ASTN2: variants seen among roughly 807,000 people sequenced by gnomAD.
ASTN2 encodes astrotactin-2.
Under a neutral mutation model 139.8 loss-of-function variants are expected in ASTN2, and 54 were observed. That is an observed-to-expected ratio of 0.39 (90% CI 0.31 to 0.48). The LOEUF is 0.48. ASTN2 is among the 20% of genes least tolerant of loss of function. The pLI is 0.95. For synonymous variants in ASTN2, 756 were observed against 719.5 expected, an observed-to-expected ratio of 1.05 and a Z score of -0.81; for missense variants, 1,565 against 1,725.1, an observed-to-expected ratio of 0.91 and a Z score of 1.64.
intron 3 of ASTN2, among the ~76,000 whole-genome samples, chr9:117,195,662 C>G (rs958527620): frequency 2.6e-4 from 39 of 152,102 alleles, no homozygotes; most frequent in African/African-American, 8.2e-4. Context: ...CAAGATAAGA[C>G]ATTGAATAAG....
chr9:117,135,776 G>A (rs559587674), intron 4 of ASTN2, among the ~76,000 whole-genome samples: 85 of 152,284 alleles, frequency 5.6e-4, no homozygotes, highest in Non-Finnish European at 1.1e-3. Context: ...GGATTTTGAA[G>A]ATAAACAGCA....
intron 1 of ASTN2, among the ~76,000 whole-genome samples, chr9:117,363,885 A>G (rs1829760654): frequency 6.6e-6 from 1 of 152,234 alleles, no homozygotes; most frequent in East Asian, 1.9e-4. Flanking sequence ...TTGACCTACT[A>G]GGATTGTGTA....
intron 3 of ASTN2, among the ~76,000 whole-genome samples, chr9:117,158,021 G>A (rs1830467955): frequency 6.6e-6 from 1 of 152,054 alleles, no homozygotes; most frequent in African/African-American, 2.4e-5. Context: ...CACAGTGCCA[G>A]TAACTGTGCT....
chr9:116,974,057 G>A (rs1034517178), intron 10 of ASTN2, among the ~76,000 whole-genome samples: 2 of 152,170 alleles, frequency 1.3e-5, no homozygotes, highest in Non-Finnish European at 2.9e-5. Context: ...TTGAAAAACA[G>A]TCACTGGTAG....
chr9:117,219,895 T>C (rs1321675786), intron 2 of ASTN2, among the ~76,000 whole-genome samples: 1 of 151,968 alleles, frequency 6.6e-6, no homozygotes, highest in Non-Finnish European at 1.5e-5. Context: ...AAGGGCAGAG[T>C]GCTCTGATGG....
At chr9:116,935,908 A>G (rs1292302295) in intron 10 of ASTN2, among the ~76,000 whole-genome samples, 1 of 151,920 alleles carries the variant, frequency 6.6e-6, no homozygotes, top group African/African-American at 2.4e-5. Flanking sequence ...AGTAAGTACT[A>G]TTACTATTCC....
At chr9:116,933,979 CTT>C (rs148724828) in intron 10 of ASTN2, among the ~76,000 whole-genome samples, 46 of 86,894 alleles carry the variant, frequency 5.3e-4, no homozygotes, top group East Asian at 2.4e-3. Context: ...AGTGTTAGTC[CTT>C]TTTTTTTTTT....
At chr9:117,355,393 T>A (rs555148132) in intron 1 of ASTN2, among the ~76,000 whole-genome samples, 3 of 152,306 alleles carry the variant, frequency 2.0e-5, no homozygotes, top group African/African-American at 4.8e-5. Flanking sequence ...ACCTAGTATT[T>A]TCAAGCATGC....
At chr9:116,648,831 C>T (rs1857743881) in intron 17 of ASTN2, among the ~76,000 whole-genome samples, 2 of 152,012 alleles carry the variant, frequency 1.3e-5, no homozygotes, top group African/African-American at 4.8e-5. Flanking sequence ...GTCAGAAGTT[C>T]GAGACCAGCC....
At chr9:116,815,030 C>T (rs1831271673) in intron 12 of ASTN2, among the ~76,000 whole-genome samples, 1 of 152,130 alleles carries the variant, frequency 6.6e-6, no homozygotes, top group African/African-American at 2.4e-5. Flanking sequence ...CGTTCTCCAA[C>T]CAGAAATGAA....
chr9:117,301,853 C>A (rs1834883393), intron 1 of ASTN2, among the ~76,000 whole-genome samples: 1 of 152,278 alleles, frequency 6.6e-6, no homozygotes, highest in Non-Finnish European at 1.5e-5. Context: ...ACTGGGTTGA[C>A]CTTTAACAAA....
intron 10 of ASTN2, among the ~76,000 whole-genome samples, chr9:116,877,655 C>T (rs1833338358): frequency 6.6e-6 from 1 of 152,072 alleles, no homozygotes; most frequent in African/African-American, 2.4e-5. Context: ...TGAAACCAAA[C>T]CAGCCTGTGG....
chr9:116,454,888 G>A (rs993603424), intron 20 of ASTN2, among the ~76,000 whole-genome samples: 7 of 152,142 alleles, frequency 4.6e-5, no homozygotes, highest in South Asian at 2.1e-4. Flanking sequence ...GGGGCCTGTC[G>A]TGGTGTGGGG....
intron 13 of ASTN2, among the ~76,000 whole-genome samples, chr9:116,794,136 T>A (rs1830628312): frequency 6.6e-6 from 1 of 150,496 alleles, no homozygotes; most frequent in Non-Finnish European, 1.5e-5. Flanking sequence ...TCACTCTTGT[T>A]GCCCAAGCTG....
chr9:116,953,928 A>T (rs1835636162), intron 10 of ASTN2, among the ~76,000 whole-genome samples: 1 of 152,214 alleles, frequency 6.6e-6, no homozygotes, highest in Non-Finnish European at 1.5e-5. Flanking sequence ...CAATGGGCTC[A>T]GAGACAGAGA....
chr9:116,536,299 A>C (rs71505576), intron 19 of ASTN2, among the ~76,000 whole-genome samples: 15 of 140,004 alleles, frequency 1.1e-4, no homozygotes, highest in Admixed American at 3.6e-4. Context: ...CGATGGGTTC[A>C]AACTTCCTCC....
intron 1 of ASTN2, among the ~76,000 whole-genome samples, chr9:117,364,663 A>C (rs1400944647): frequency 6.6e-6 from 1 of 152,152 alleles, no homozygotes; most frequent in Non-Finnish European, 1.5e-5. Context: ...ATAGAAATGA[A>C]GAGATGCTAG....
At chr9:116,618,598 T>C (rs1210209484) in intron 18 of ASTN2, 126 bp from the exon 19 acceptor site, 4 of 1,166,974 alleles carry the variant, frequency 3.4e-6, no homozygotes, top group Non-Finnish European at 4.7e-6. Flanking sequence ...CCACCCATGA[T>C]CGCCAACTTG....
chr9:116,894,063 T>C (rs1833828032), intron 10 of ASTN2, among the ~76,000 whole-genome samples: 2 of 152,188 alleles, frequency 1.3e-5, no homozygotes, highest in South Asian at 4.1e-4. Context: ...CCTACTTCCA[T>C]TCTAGGACTG....
Sources: gnomAD v4.1 joint callset for allele counts (sites outside exome capture counted in the v4.1 genomes callset) on GRCh38, gnomAD v4.1.1 for gene constraint, MANE v1.5 for transcripts, NCBI Gene and HGNC (gene_info 2026-07-23, HGNC 2026-07-21) for gene names.